Variants in EZH2 observed in about 807,000 individuals in gnomAD.
EZH2 encodes histone-lysine N-methyltransferase EZH2.
In EZH2, 18 loss-of-function variants were observed where a neutral mutation model predicts 98.4. That is an observed-to-expected ratio of 0.18 (90% confidence interval 0.13 to 0.27). The LOEUF (loss-of-function observed/expected upper bound fraction) is 0.27. EZH2 is among the 10% of genes least tolerant of loss of function. The pLI is 1.00. For missense variants in EZH2, 470 were observed against 935.1 expected, an observed-to-expected ratio of 0.50 and a Z score of 6.49; for synonymous variants, 338 against 312.3, an observed-to-expected ratio of 1.08 and a Z score of -0.87.
At chr7:148,814,254 T>C in intron 14 of EZH2, 117 bp from the exon 15 acceptor site, 3 of 844,544 alleles carry the variant, frequency 3.6e-6, no homozygotes, top group Non-Finnish European at 5.6e-6. Flanking sequence ...ACAACCACCT[T>C]ATTACCCTAC....
At chr7:148,882,360 G>A (rs1433978836) in intron 1 of EZH2, among the ~76,000 whole-genome samples, 1 of 152,124 alleles carries the variant, frequency 6.6e-6, no homozygotes, top group Non-Finnish European at 1.5e-5. Flanking sequence ...CCACAAAAAC[G>A]AGAATTTAAG....
At chr7:148,817,496 C>T (rs1804873188) in intron 10 of EZH2, 105 bp from the exon 11 acceptor site, 2 of 1,142,490 alleles carry the variant, frequency 1.8e-6, no homozygotes, top group African/African-American at 1.6e-5. Context: ...GAGGACAACT[C>T]AAATCCAATC....
intron 1 of EZH2, among the ~76,000 whole-genome samples, chr7:148,875,592 C>A (rs1476385300): frequency 6.6e-6 from 1 of 152,170 alleles, no homozygotes; most frequent in African/African-American, 2.4e-5. Flanking sequence ...AAAAGACTGG[C>A]AACACGAAGT....
intron 16 of EZH2, among the ~76,000 whole-genome samples, chr7:148,811,312 G>A (rs182795091): frequency 1.4e-4 from 22 of 152,138 alleles, no homozygotes; most frequent in Admixed American, 5.2e-4. Flanking sequence ...CACCACGCCC[G>A]GCTAATTTTT....
chr7:148,851,782 G>A (rs1284790123), intron 1 of EZH2, among the ~76,000 whole-genome samples: 1 of 152,094 alleles, frequency 6.6e-6, no homozygotes, highest in Non-Finnish European at 1.5e-5. Flanking sequence ...GAGGTGGGAG[G>A]ATCTCTTGAG....
At chr7:148,841,419 G>T (rs1028559758) in intron 3 of EZH2, among the ~76,000 whole-genome samples, 1 of 152,100 alleles carries the variant, frequency 6.6e-6, no homozygotes, top group Admixed American at 6.6e-5. Flanking sequence ...GTTAAAAGAG[G>T]CAAGGAGCTA....
intron 1 of EZH2, among the ~76,000 whole-genome samples, chr7:148,869,172 G>A (rs980030943): frequency 7.0e-6 from 1 of 143,314 alleles, no homozygotes; most frequent in Non-Finnish European, 1.5e-5. Flanking sequence ...AAGAATTTGG[G>A]AAAGATGCAT....
At chr7:148,828,244 A>G (rs1019798292) in intron 6 of EZH2, among the ~76,000 whole-genome samples, 5 of 152,260 alleles carry the variant, frequency 3.3e-5, no homozygotes, top group Admixed American at 1.3e-4. Context: ...TATATATTAT[A>G]ATGATGCCCA....
At chr7:148,824,299 A>C (rs1396501769) in intron 8 of EZH2, among the ~76,000 whole-genome samples, 7 of 144,580 alleles carry the variant, frequency 4.8e-5, no homozygotes, top group Non-Finnish European at 9.0e-5. Flanking sequence ...TGAGCAACAG[A>C]ACGAGACTTC....
intron 8 of EZH2, among the ~76,000 whole-genome samples, chr7:148,822,239 G>C (rs188687393): frequency 3.9e-5 from 6 of 152,226 alleles, no homozygotes; most frequent in African/African-American, 1.4e-4. Flanking sequence ...ACCAGGTGCA[G>C]TGGCTCACAC....
intron 8 of EZH2, among the ~76,000 whole-genome samples, chr7:148,820,004 CTCTG>C (rs1472186023): frequency 1.3e-5 from 2 of 152,204 alleles, no homozygotes; most frequent in South Asian, 2.1e-4. Flanking sequence ...ATCTTACTAT[CTCTG>C]TCTAAGCAGT....
chr7:148,876,297 A>AT, intron 1 of EZH2: 1 of 152,110 alleles, frequency 6.6e-6, no homozygotes. Flanking sequence ...GGAGGGAAAA[A>AT]AAAAAAAGTT....
intron 8 of EZH2, among the ~76,000 whole-genome samples, chr7:148,823,581 AGAGT>A (rs1322103734): frequency 3.3e-5 from 5 of 152,070 alleles, no homozygotes; most frequent in African/African-American, 1.2e-4. Context: ...TAAAAGTGGA[AGAGT>A]GAGGTAAAAT....
chr7:148,814,968 G>A lies in EZH2; in HGVS notation c.1618C>T (p.Pro540Ser). ...HPRQPCDSSCPCVIAQNFCEK... is the reference protein window; with the variant it reads ...HPRQPCDSSCSCVIAQNFCEK... Reference sequence around the variant, plus strand: ...CAAAAATTTTGTGCTATCACACAAGGGCACGAACTGTCACAAGGCTGCCGT... The same window carrying A: ...CAAAAATTTTGTGCTATCACACAAGAGCACGAACTGTCACAAGGCTGCCGT... Residue 540 changes from proline to serine, a missense_variant, in exon 14 of 20, where the codon CCT (proline) becomes TCT (serine). Around this residue, in one of 6 missense-constraint regions of EZH2, gnomAD observed 106 missense variants for 327.2 expected, o/e 0.32. Transcript: ENST00000320356. 6.2e-7 allele frequency: 1 copy of A among 1,613,750 alleles called. No individual in the cohort carries two copies. Among genetic ancestry groups the A allele is most frequent in the Non-Finnish European group, 8.5e-7 (1 of 1,179,976 alleles).
Position 148,847,681 on chromosome 7 carries a change from T to C in EZH2, c.-7-376A>G, listed in dbSNP as rs185950799. On this transcript the variant is annotated intron_variant, in intron 1 of 19. Transcript: ENST00000320356. The stretch of plus-strand genomic sequence containing the variant: ...AGATCCTGTTTTTCATCATTAGCTG[T>C]TACAGTAGCAAGGCATAATGGAATA... Among the ~76,000 whole-genome samples, 27 of 146,514 alleles carry C rather than the reference T, an allele frequency of 1.8e-4. No individual in the cohort carries two copies. The East Asian group carries it at 5.6e-3, about 30-fold the overall frequency.
At chr7:148,863,248 T>C (rs893129180) in intron 1 of EZH2, among the ~76,000 whole-genome samples, 1 of 152,044 alleles carries the variant, frequency 6.6e-6, no homozygotes, top group African/African-American at 2.4e-5. Context: ...GAACAGACAA[T>C]ATATTCAAAT....
chr7:148,858,363 G>A (rs1171851118), intron 1 of EZH2, among the ~76,000 whole-genome samples: 2 of 151,938 alleles, frequency 1.3e-5, no homozygotes, highest in Non-Finnish European at 2.9e-5. Flanking sequence ...TTGAGGCAGG[G>A]CTCACTCTGT....
chr7:148,826,395 C>T (rs916970530), intron 8 of EZH2, 59 bp downstream of exon 8: 17 of 1,280,048 alleles, frequency 1.3e-5, no homozygotes, highest in Admixed American at 5.7e-5. Context: ...TAAATGATAG[C>T]ACTCTCCAAG....
chr7:148,875,980 A>AC (rs1387646368), intron 1 of EZH2: 4 of 151,976 alleles, frequency 2.6e-5, no homozygotes, highest in African/African-American at 4.8e-5. Context: ...ACACAGGAAA[A>AC]CCCCATCTCT....
Sources: allele counts gnomAD v4.1 joint callset (sites outside exome capture counted in the v4.1 genomes callset), GRCh38; gene constraint gnomAD v4.1.1; regional missense constraint gnomAD v4.1.1; transcripts MANE v1.5; gene names NCBI Gene and HGNC (gene_info 2026-07-23, HGNC 2026-07-21).